Variants in TJAP1 observed in about 807,000 individuals in gnomAD.
The protein encoded by TJAP1 is tight junction associated protein 1, also known as tight junction-associated protein 1.
Under a neutral mutation model 42.0 loss-of-function variants are expected in TJAP1, and 27 were observed. That is an observed-to-expected ratio of 0.64 (90% CI 0.47 to 0.89). The LOEUF (loss-of-function observed/expected upper bound fraction) is 0.89, where lower values mean the gene tolerates loss of function less well. Among genes scored for constraint, TJAP1 ranks in the 40% least tolerant of loss-of-function variants. The probability of loss-of-function intolerance (pLI) is 0.00; values close to 1 mark genes in which losing one functional copy is unlikely to be tolerated. For missense variants in TJAP1, 712 were observed against 726.9 expected, an observed-to-expected ratio of 0.98 and a Z score of 0.24; for synonymous variants, 257 against 288.4, an observed-to-expected ratio of 0.89 and a Z score of 1.10.
exon 6 of TJAP1, chr6:43,501,684 G>A (rs1382952411): frequency 6.8e-6 from 7 of 1,034,758 alleles, no homozygotes; most frequent in South Asian, 2.6e-5. Context: ...GATAAGTTCC[G>A]CAGGTGTGGG....
chr6:43,505,665 A>G lies in TJAP1; in HGVS notation c.1484A>G (p.Glu495Gly). Reference sequence around the variant, plus strand: ...AACCTGCCTATCAGTCCTGAGGAAGAGCGCCAGAGCCTGCTGCCCATTAAC... The same window carrying G: ...AACCTGCCTATCAGTCCTGAGGAAGGGCGCCAGAGCCTGCTGCCCATTAAC... The change falls in exon 11 of 11, where the codon GAG becomes GGG. Residue 495 changes from glutamate to glycine, a missense_variant. By Grantham distance (98) the Glu-to-Gly change is moderately conservative. Transcript: ENST00000372449. The surrounding 1 kb of genome is among the most constrained non-coding windows in gnomAD (Gnocchi z 5.5). 6.2e-7 allele frequency: 1 copy of G among 1,609,714 alleles called. No individual in the cohort carries two copies. The highest frequency in any genetic ancestry group is 8.5e-7 in the Non-Finnish European group (1 of 1,177,198).
chr6:43,485,795 G>A (rs1786328082), intron 2 of TJAP1, among the ~76,000 whole-genome samples: 1 of 152,214 alleles, frequency 6.6e-6, no homozygotes, highest in African/African-American at 2.4e-5. Flanking sequence ...GATTAAAGAA[G>A]ATGGAATCTA....
chr6:43,502,590 C>G (rs1313161272), exon 8 of TJAP1: 2 of 1,551,656 alleles, frequency 1.3e-6, no homozygotes, highest in Admixed American at 2.0e-5. Flanking sequence ...CCTCTCAGGC[C>G]TCTCTTAGCC....
rs191140739 is a variant in TJAP1, at chr6:43,490,098, C to A, written c.-121-7783C>A. Among the ~76,000 whole-genome samples the A allele has an allele frequency of 5.3e-3, 812 of 152,294 alleles. 33 individuals carry two copies. Among genetic ancestry groups the A allele is most frequent in the Admixed American group, 0.049 (752 of 15,302 alleles). On this transcript the variant is annotated intron_variant, in intron 2 of 10. Coordinates refer to ENST00000372449, the Ensembl canonical transcript of TJAP1. ...GCAGGGCCTCTGTCCTCCATCCTTCCCCGCAGCCTGGCTGCCTCCCTCCTT... is the reference window on the plus strand; with the variant it reads ...GCAGGGCCTCTGTCCTCCATCCTTCACCGCAGCCTGGCTGCCTCCCTCCTT...
At chr6:43,490,287 C>A (rs566691776) in intron 2 of TJAP1, among the ~76,000 whole-genome samples, 1 of 152,362 alleles carries the variant, frequency 6.6e-6, no homozygotes, top group African/African-American at 2.4e-5. Flanking sequence ...CGTCACCCTT[C>A]CCCGAGTCAG....
chr6:43,490,763 G>T (rs1233015045), intron 2 of TJAP1, among the ~76,000 whole-genome samples: 1 of 152,154 alleles, frequency 6.6e-6, no homozygotes, highest in Non-Finnish European at 1.5e-5. Context: ...GTGGACTTTA[G>T]CCATGAAAAG....
At position 43,483,226 on chromosome 6, in the gene TJAP1, C is replaced by T. The variant is rs1785680412; in HGVS notation, c.-122+4994C>T. On this transcript the variant is annotated intron_variant, in intron 2 of 10. Coordinates refer to ENST00000372449, the Ensembl canonical transcript of TJAP1. ...TTGGCATGCCAAAAGGCTCCTTATACTGGGGTCCAGACCCAGACCATTAGC... is the reference window on the plus strand; with the variant it reads ...TTGGCATGCCAAAAGGCTCCTTATATTGGGGTCCAGACCCAGACCATTAGC... Among the ~76,000 whole-genome samples the T allele has an allele frequency of 2.0e-5, 3 of 152,294 alleles. No individual in the cohort carries two copies. In the South Asian group the frequency reaches 6.2e-4, roughly 32 times the overall value.
intron 2 of TJAP1, among the ~76,000 whole-genome samples, chr6:43,488,151 C>T (rs779536931): frequency 2.0e-5 from 3 of 152,218 alleles, no homozygotes; most frequent in Non-Finnish European, 4.4e-5. Context: ...GGATTACAGG[C>T]ATGAGCCACT....
In TJAP1 at chr6:43,491,394, G is replaced by A. The variant is rs761368809; in HGVS notation, c.-121-6487G>A. 2.0e-5 allele frequency among the ~76,000 whole-genome samples: 3 copies of A among 152,084 alleles called. No individual in the cohort carries two copies. The highest frequency in any genetic ancestry group is 2.9e-5 in the Non-Finnish European group (2 of 68,016). ...CAACCTCCGCCTCCCAGGTTTAAGC[G>A]ATTCTCTTACCTCAGCCTCCCGAGT... is the stretch of plus-strand genomic sequence containing the variant. On this transcript the variant is annotated intron_variant, in intron 2 of 10. Transcript: ENST00000372449. The surrounding 1 kb of genome is among the most constrained non-coding windows in gnomAD (Gnocchi z 4.6).
intron 10 of TJAP1, 199 bp downstream of exon 10, chr6:43,503,905 G>C: frequency 1.4e-6 from 1 of 711,706 alleles, no homozygotes; most frequent in South Asian, 1.5e-5. Context: ...CACTAGTTCT[G>C]GGGGGCCAGC....
intron 2 of TJAP1, among the ~76,000 whole-genome samples, chr6:43,489,360 C>G (rs563161017): frequency 6.6e-6 from 1 of 152,220 alleles, no homozygotes; most frequent in Non-Finnish European, 1.5e-5. Flanking sequence ...CCTGGCCAGG[C>G]GGCAGTGTGC....
At position 43,502,366 on chromosome 6, in the gene TJAP1, G is replaced by T. The variant is rs1791124900; in HGVS notation, c.357+17G>T. On this transcript the variant is annotated intron_variant, in intron 7 of 10. Transcript: ENST00000372449. ...CACACACTGGTAATCTGTCTGGGAG[G>T]GCAGCTTGGTGGGCACTGTGCTCAT... The T allele has an allele frequency of 6.2e-7, 1 of 1,612,642 alleles. No homozygotes were observed.
At chr6:43,502,203 A>T in intron 6 of TJAP1, 80 bp from the exon 7 acceptor site, 1 of 1,400,906 alleles carries the variant, frequency 7.1e-7, no homozygotes, top group Non-Finnish European at 1.0e-6. Context: ...CATGTTCAAG[A>T]TCCCCTATCG....
At chr6:43,500,295 T>C (rs975790369) in intron 4 of TJAP1, among the ~76,000 whole-genome samples, 2 of 152,232 alleles carry the variant, frequency 1.3e-5, no homozygotes, top group African/African-American at 2.4e-5. Flanking sequence ...TGCAAGAGCC[T>C]GATTCTGCCT....
intron 2 of TJAP1, among the ~76,000 whole-genome samples, chr6:43,480,164 C>T (rs1477810750): frequency 6.6e-6 from 1 of 152,202 alleles, no homozygotes; most frequent in Non-Finnish European, 1.5e-5. Flanking sequence ...TACTCAGTGC[C>T]TGACAGTAAG....
In TJAP1 at chr6:43,500,508, A is replaced by G. The variant is rs891685030; in HGVS notation, c.100-236A>G. ...TATTTGAAAATGGCTTTAGGATTGG[A>G]TTAAGGGTGAAGGTTGGAAGAGGTT... is the stretch of plus-strand genomic sequence containing the variant. On this transcript the variant is annotated intron_variant, in intron 4 of 10. Coordinates refer to ENST00000372449, the Ensembl canonical transcript of TJAP1. 3 of 557,736 alleles carry G rather than the reference A, an allele frequency of 5.4e-6. No homozygotes were observed. The African/African-American group carries it at 5.7e-5, about 11-fold the overall frequency. 34.5% of individuals were successfully genotyped at this position (557,736 alleles called of 1,614,324 possible). A position where few individuals can be genotyped will look rare whatever the true frequency, so the allele number is the denominator to read the frequency against.
At chr6:43,503,706 T>C (rs779319893) in exon 10 of TJAP1, 9 of 1,613,964 alleles carry the variant, frequency 5.6e-6, no homozygotes, top group African/African-American at 5.3e-5. Context: ...AGTTTGCCGA[T>C]GTGAGTAGAA....
chr6:43,479,731 G>A (rs910545620), intron 2 of TJAP1, among the ~76,000 whole-genome samples: 1 of 152,318 alleles, frequency 6.6e-6, no homozygotes, highest in African/African-American at 2.4e-5. Flanking sequence ...TAGCATTTTG[G>A]GAGGCCGAGG....
In TJAP1 at chr6:43,502,268, A is replaced by G. The variant is rs745731753; in HGVS notation, c.291-15A>G. ...ATCTTGACCCAGGGATGTGCCTTGTATTATCCCTTTTCAGGCTGCAGAACA... is the reference window on the plus strand; with the variant it reads ...ATCTTGACCCAGGGATGTGCCTTGTGTTATCCCTTTTCAGGCTGCAGAACA... On this transcript the variant is annotated splice_polypyrimidine_tract_variant and intron_variant, in intron 6 of 10. Coordinates refer to ENST00000372449, the Ensembl canonical transcript of TJAP1. 6.2e-7 allele frequency: 1 copy of G among 1,613,772 alleles called. No homozygotes were observed. The highest frequency in any genetic ancestry group is 1.1e-5 in the South Asian group (1 of 90,996).
Sources: gnomAD v4.1 joint callset for allele counts (sites outside exome capture counted in the v4.1 genomes callset) on GRCh38, gnomAD v4.1.1 for gene constraint, Gnocchi (gnomAD v3.1) non-coding constraint, MANE v1.5 for transcripts, NCBI Gene and HGNC (gene_info 2026-07-23, HGNC 2026-07-21) for gene names.